CDKL5: variants seen among roughly 807,000 people sequenced by gnomAD.
The protein encoded by CDKL5 is cyclin dependent kinase like 5, also known as cyclin-dependent kinase-like 5.
In CDKL5, 8 loss-of-function variants were observed where a neutral mutation model predicts 61.7. The ratio of observed to expected loss-of-function variants is 0.13; its 90% CI spans 0.08 to 0.23. The LOEUF (loss-of-function observed/expected upper bound fraction) is 0.23. Among genes scored for constraint, CDKL5 ranks in the 10% least tolerant of loss-of-function variants. The pLI, the probability that CDKL5 is intolerant of heterozygous loss-of-function variation, is 1.00. For synonymous variants in CDKL5, 275 were observed against 272.3 expected, an observed-to-expected ratio of 1.01 and a Z score of -0.10; for missense variants, 440 against 734.5, an observed-to-expected ratio of 0.60 and a Z score of 4.63.
At chrX:18,571,069 C>T (rs1925121468) in intron 4 of CDKL5, among the ~76,000 whole-genome samples, 2 of 111,130 alleles carry the variant, frequency 1.8e-5, no homozygotes, top group Non-Finnish European at 3.8e-5. Context: ...AGTATGGACT[C>T]GGGAAGAGTC....
chrX:18,601,074 C>G (rs745877844), intron 11 of CDKL5, among the ~76,000 whole-genome samples: 18 of 111,941 alleles, frequency 1.6e-4, no homozygotes, highest in Admixed American at 1.4e-3. Flanking sequence ...ATGCTCACAG[C>G]ACCATATCAC....
chrX:18,630,770 G>A lies in CDKL5; in HGVS notation c.*2013G>A. On this transcript the variant is annotated 3_prime_UTR_variant, in exon 18 of 18. Transcript: ENST00000623535. ...TTGACTCAAACCAATAGTTTTGCAT[G>A]CTCTTTAGTTCTTTTTCTGTCTTAC... 2.7e-6 allele frequency: 2 copies of A among 751,625 alleles called. No individual in the cohort carries two copies. Among genetic ancestry groups the A allele is most frequent in the Non-Finnish European group, 3.1e-6 (2 of 638,432 alleles). 61.9% of individuals were successfully genotyped at this position (751,625 alleles called of 1,213,427 possible).
chrX:18,479,314 CTTTTTTTTTTTTTT>C (rs761687087), intron 1 of CDKL5, among the ~76,000 whole-genome samples: 1 of 66,574 alleles, frequency 1.5e-5, no homozygotes, highest in Non-Finnish European at 2.8e-5. Context: ...GCCACTATTT[CTTTTTTTTTTTTTT>C]TTTTTTTTTG....
intron 17 of CDKL5, 151 bp from the exon 18 acceptor site, chrX:18,628,220 C>T (rs754423878): frequency 2.3e-5 from 13 of 572,560 alleles, no homozygotes; most frequent in Non-Finnish European, 3.7e-5. Flanking sequence ...TGAAAAAACC[C>T]GAAGAACAGA....
Position 18,631,929 on chromosome X carries a change from C to A in CDKL5, c.*3172C>A. ...GATTTACCCCCAAGGGTACATTTGGCAATGTCTGGGGACATTTGGTTGTCA... is the reference window on the plus strand; with the variant it reads ...GATTTACCCCCAAGGGTACATTTGGAAATGTCTGGGGACATTTGGTTGTCA... On this transcript the variant is annotated 3_prime_UTR_variant, in exon 18 of 18. Coordinates refer to ENST00000623535, the MANE Select transcript of CDKL5 (RefSeq NM_001323289.2). 2.8e-6 allele frequency: 2 copies of A among 708,523 alleles called. No individual in the cohort carries two copies. Among genetic ancestry groups the A allele is most frequent in the Non-Finnish European group, 3.3e-6 (2 of 597,619 alleles). 58.4% of individuals were successfully genotyped at this position (708,523 alleles called of 1,213,427 possible).
At chrX:18,548,267 A>T (rs1924270034) in intron 3 of CDKL5, among the ~76,000 whole-genome samples, 1 of 111,205 alleles carries the variant, frequency 9.0e-6, no homozygotes, top group African/African-American at 3.3e-5. Context: ...GAATTAAAGA[A>T]TAAAAGATTG....
chrX:18,539,442 C>T (rs1923948448), intron 3 of CDKL5, among the ~76,000 whole-genome samples: 1 of 111,540 alleles, frequency 9.0e-6, no homozygotes, highest in Non-Finnish European at 1.9e-5. Context: ...TTAGAATTTC[C>T]TTTGAGACTA....
At chrX:18,601,657 A>C (rs1926182419) in intron 11 of CDKL5, among the ~76,000 whole-genome samples, 1 of 112,363 alleles carries the variant, frequency 8.9e-6, no homozygotes, top group South Asian at 3.7e-4. Flanking sequence ...GGCTCTTTGT[A>C]CACTTATGGA....
chrX:18,602,886 A>G (rs1027258934), intron 11 of CDKL5, among the ~76,000 whole-genome samples: 2 of 112,204 alleles, frequency 1.8e-5, no homozygotes, highest in South Asian at 3.7e-4. Context: ...TTTTGAATGC[A>G]TAGTAAAACC....
chrX:18,500,652 T>C (rs180758765), intron 1 of CDKL5, among the ~76,000 whole-genome samples: 6 of 111,534 alleles, frequency 5.4e-5, no homozygotes, highest in African/African-American at 2.0e-4. Flanking sequence ...ATCCAAGATA[T>C]GTAGTTTGCC....
At chrX:18,600,147 C>G (rs1931757312) in intron 11 of CDKL5, among the ~76,000 whole-genome samples, 1 of 112,280 alleles carries the variant, frequency 8.9e-6, no homozygotes, top group South Asian at 3.7e-4. Context: ...AGATCTGGTA[C>G]TATTTAGGTC....
At chrX:18,497,628 C>G (rs1453665072) in intron 1 of CDKL5, among the ~76,000 whole-genome samples, 2 of 111,504 alleles carry the variant, frequency 1.8e-5, no homozygotes, top group Non-Finnish European at 3.8e-5. Context: ...GTCTTAAAAG[C>G]TTGTTTTATA....
intron 1 of CDKL5, among the ~76,000 whole-genome samples, chrX:18,468,714 A>C (rs16992405): frequency 0.048 from 5,338 of 111,397 alleles, 325 homozygotes; most frequent in African/African-American, 0.16. Flanking sequence ...ATATCTCCTA[A>C]TCTTCCCTCA....
intron 4 of CDKL5, among the ~76,000 whole-genome samples, chrX:18,565,843 C>CA (rs1023574025): frequency 4.5e-5 from 5 of 111,309 alleles, no homozygotes; most frequent in Non-Finnish European, 9.4e-5. Flanking sequence ...TCTGGGGGGA[C>CA]AAAAAAATCT....
intron 8 of CDKL5, chrX:18,587,625 C>A (rs1031585269): frequency 4.2e-5 from 9 of 216,513 alleles, no homozygotes; most frequent in Non-Finnish European, 7.4e-5. Flanking sequence ...GGAAGCATTT[C>A]ATTCCCCAAG....
intron 3 of CDKL5, among the ~76,000 whole-genome samples, chrX:18,531,685 G>T (rs1923645069): frequency 9.1e-6 from 1 of 110,229 alleles, no homozygotes; most frequent in Non-Finnish European, 1.9e-5. Flanking sequence ...ATTTGTTAGG[G>T]TTTTTTCTTT....
chrX:18,594,900 C>T (rs1427276172), intron 9 of CDKL5, among the ~76,000 whole-genome samples: 1 of 112,138 alleles, frequency 8.9e-6, no homozygotes, highest in East Asian at 2.8e-4. Context: ...AATACATAGA[C>T]GGCCGGGTGT....
At chrX:18,510,689 A>G (rs1922795442) in intron 2 of CDKL5, 131 bp from the exon 3 acceptor site, 1 of 529,153 alleles carries the variant, frequency 1.9e-6, no homozygotes, top group African/African-American at 2.3e-5. Flanking sequence ...TATGTGGCTC[A>G]TTATTGCATT....
chrX:18,644,319 C>T (rs188183812), downstream of CDKL5: 59 of 674,100 alleles, frequency 8.8e-5, no homozygotes, highest in East Asian at 1.9e-3. Flanking sequence ...AGATGATCCA[C>T]TGTGCTGTGG....
Sources: gnomAD v4.1 joint callset for allele counts (sites outside exome capture counted in the v4.1 genomes callset) on GRCh38, gnomAD v4.1.1 for gene constraint, MANE v1.5 for transcripts, NCBI Gene and HGNC (gene_info 2026-07-23, HGNC 2026-07-21) for gene names.